STEAP1B: variants seen among roughly 807,000 people sequenced by gnomAD.
STEAP1B encodes STEAP family member 1B, also known as STEAP family protein MGC87042.
In STEAP1B, 13 loss-of-function variants were observed where a neutral mutation model predicts 27.9. That is an observed-to-expected ratio of 0.47 (90% confidence interval 0.30 to 0.74). The LOEUF is 0.74. Among genes scored for constraint, STEAP1B ranks in the 30% least tolerant of loss-of-function variants. STEAP1B has a pLI of 0.06. For synonymous variants in STEAP1B, 86 were observed against 107.1 expected, an observed-to-expected ratio of 0.80 and a Z score of 1.22; for missense variants, 250 against 298.7, an observed-to-expected ratio of 0.84 and a Z score of 1.20.
At chr7:22,441,928 T>A (rs985621092) in intron 4 of STEAP1B, among the ~76,000 whole-genome samples, 1 of 152,226 alleles carries the variant, frequency 6.6e-6, no homozygotes, top group East Asian at 1.9e-4. Flanking sequence ...TAAAACTAGC[T>A]TTAATTCTTT....
chr7:22,464,948 C>CATATATATAAATATATATATATAT (rs1785748119), intron 4 of STEAP1B, among the ~76,000 whole-genome samples: 1 of 45,012 alleles, frequency 2.2e-5, no homozygotes, highest in African/African-American at 5.6e-5. Context: ...TACCAAACCC[C>CATATATATAAATATATATATATAT]ATATATATAT....
chr7:22,464,875 C>T (rs1191460924), intron 4 of STEAP1B, among the ~76,000 whole-genome samples: 27 of 140,984 alleles, frequency 1.9e-4, no homozygotes, highest in Non-Finnish European at 2.3e-4. Context: ...AATATAGTAG[C>T]CCTTCCTTAT....
At chr7:22,426,816 A>C (rs1306805002) in intron 4 of STEAP1B, among the ~76,000 whole-genome samples, 3 of 152,250 alleles carry the variant, frequency 2.0e-5, no homozygotes, top group Non-Finnish European at 2.9e-5. Context: ...AGCAAACAAA[A>C]AGGATACGTC....
At chr7:22,458,878 C>CT (rs76609977) in intron 4 of STEAP1B, among the ~76,000 whole-genome samples, 176 of 144,600 alleles carry the variant, frequency 1.2e-3, no homozygotes, top group Middle Eastern at 3.6e-3. Context: ...GGTACGCTAA[C>CT]TTTTTTTTTT....
intron 4 of STEAP1B, among the ~76,000 whole-genome samples, chr7:22,424,968 G>T (rs764400531): frequency 1.3e-5 from 2 of 151,748 alleles, no homozygotes; most frequent in Non-Finnish European, 2.9e-5. Flanking sequence ...ATGCTAGAAG[G>T]AACTAGACTA....
chr7:22,478,999 G>A (rs1786020554), intron 4 of STEAP1B, among the ~76,000 whole-genome samples: 1 of 152,174 alleles, frequency 6.6e-6, no homozygotes, highest in African/African-American at 2.4e-5. Context: ...CCTCAGAGAG[G>A]CAGGCCTGGG....
intron 4 of STEAP1B, among the ~76,000 whole-genome samples, chr7:22,453,872 G>C (rs540169705): frequency 1.3e-5 from 2 of 152,306 alleles, no homozygotes; most frequent in Non-Finnish European, 2.9e-5. Context: ...TTATCAACAA[G>C]TAGTTCCATC....
Position 22,493,640 on chromosome 7 carries a change from A to G in STEAP1B, c.281T>C (p.Val94Ala). 6.2e-7 allele frequency: 1 copy of G among 1,613,996 alleles called. No homozygotes were observed. ...ATGGGAAGTTGCTAAAGGGTGAATT[A>G]CTTCCCTCAGAAGAGTGTAAAGAAA... The part of the protein sequence containing the change: ...LTFLYTLLRE[V>A]IHPLATSHQQ... Residue 94 changes from valine to alanine, a missense_variant, in exon 3 of 5, where the codon GTA becomes GCA. Val to Ala is a moderately conservative substitution (Grantham distance 64). Coordinates refer to ENST00000678116, the MANE Select transcript of STEAP1B (RefSeq NM_001382447.1).
chr7:22,425,966 G>A lies in STEAP1B; in HGVS notation c.763-6130C>T, dbSNP rs142300224. Reference sequence around the variant, plus strand: ...TCCTTGGAACCCTGGAGACTGTTATGTTGCTACAGTTGTTTTTCTTCTTTT... The same window carrying A: ...TCCTTGGAACCCTGGAGACTGTTATATTGCTACAGTTGTTTTTCTTCTTTT... On this transcript the variant is annotated intron_variant, in intron 4 of 4. Transcript: ENST00000678116. Among the ~76,000 whole-genome samples, 151 of 152,326 alleles carry A rather than the reference G, an allele frequency of 9.9e-4. 1 individual carries two copies. The highest frequency in any genetic ancestry group is 3.6e-3 in the African/African-American group (148 of 41,574).
chr7:22,463,979 A>G (rs925092766), intron 4 of STEAP1B, among the ~76,000 whole-genome samples: 1 of 151,690 alleles, frequency 6.6e-6, no homozygotes, highest in Non-Finnish European at 1.5e-5. Context: ...ACTAAAGAGC[A>G]TCTGCACAGC....
intron 4 of STEAP1B, among the ~76,000 whole-genome samples, chr7:22,457,812 T>A (rs1283342951): frequency 6.6e-6 from 1 of 152,176 alleles, no homozygotes; most frequent in African/African-American, 2.4e-5. Flanking sequence ...AACTGCAAGG[T>A]CCTCACCTGC....
chr7:22,432,704 T>G lies in STEAP1B; in HGVS notation c.763-12868A>C, dbSNP rs150822903. Among the ~76,000 whole-genome samples, 5 of 152,332 alleles carry G rather than the reference T, an allele frequency of 3.3e-5. No individual in the cohort carries two copies. In the East Asian group the frequency reaches 9.6e-4, roughly 29 times the overall value. ...TGAGCCCCTTCATTAAACTATGTGA[T>G]TTGCCGTCTGTTTCCTTCCTAAACC... On this transcript the variant is annotated intron_variant, in intron 4 of 4. Coordinates refer to ENST00000678116, the MANE Select transcript of STEAP1B (RefSeq NM_001382447.1).
chr7:22,455,948 C>T (rs1316562910), intron 4 of STEAP1B, among the ~76,000 whole-genome samples: 2 of 152,138 alleles, frequency 1.3e-5, no homozygotes, highest in Non-Finnish European at 1.5e-5. Flanking sequence ...GAGATCAAGA[C>T]CATCCTGGCT....
At chr7:22,500,006 C>A (rs1057037879) in intron 1 of STEAP1B, 108 bp downstream of exon 1, 1 of 152,608 alleles carries the variant, frequency 6.6e-6, no homozygotes, top group African/African-American at 2.4e-5. Context: ...AGAAGGCTTG[C>A]GACCCGCTAC....
At chr7:22,465,006 A>G (rs757035158) in intron 4 of STEAP1B, among the ~76,000 whole-genome samples, 56 of 116,652 alleles carry the variant, frequency 4.8e-4, no homozygotes, top group Admixed American at 1.2e-3. Flanking sequence ...TAGTAATTCA[A>G]TAGAACAATT....
At chr7:22,466,722 A>T (rs1426040599) in intron 4 of STEAP1B, among the ~76,000 whole-genome samples, 1 of 152,264 alleles carries the variant, frequency 6.6e-6, no homozygotes, top group Non-Finnish European at 1.5e-5. Flanking sequence ...CCAGGGAAGC[A>T]AAACATGATT....
intron 1 of STEAP1B, among the ~76,000 whole-genome samples, chr7:22,499,382 G>T (rs560997421): frequency 2.1e-4 from 31 of 150,120 alleles, no homozygotes; most frequent in African/African-American, 6.7e-4. Context: ...AGTTTTTTGG[G>T]TTTTTTTTTC....
At chr7:22,438,317 C>A in intron 4 of STEAP1B, 2 of 783,118 alleles carry the variant, frequency 2.6e-6, no homozygotes, top group Non-Finnish European at 3.9e-6. Context: ...GTTTTTCGCA[C>A]TTGTCCCACA....
chr7:22,427,042 G>A (rs1007216166), intron 4 of STEAP1B, among the ~76,000 whole-genome samples: 3 of 152,218 alleles, frequency 2.0e-5, no homozygotes, highest in Non-Finnish European at 2.9e-5. Context: ...GCCTGCCTGA[G>A]GAATAGAGAG....
Sources: allele counts gnomAD v4.1 joint callset (sites outside exome capture counted in the v4.1 genomes callset), GRCh38; gene constraint gnomAD v4.1.1; transcripts MANE v1.5; gene names NCBI Gene and HGNC (gene_info 2026-07-23, HGNC 2026-07-21).